FNIP1: variants seen among roughly 807,000 people sequenced by gnomAD.
The protein encoded by FNIP1 is folliculin-interacting protein 1.
Under a neutral mutation model 124.5 loss-of-function variants are expected in FNIP1, and 40 were observed. The ratio of observed to expected loss-of-function variants is 0.32; its 90% CI spans 0.25 to 0.42. The LOEUF is 0.42. Among genes scored for constraint, FNIP1 ranks in the 10% least tolerant of loss-of-function variants. FNIP1 has a pLI of 1.00. For missense variants in FNIP1, 1,176 were observed against 1,403.7 expected, an observed-to-expected ratio of 0.84 and a Z score of 2.59; for synonymous variants, 472 against 470.6, an observed-to-expected ratio of 1.00 and a Z score of -0.04.
At chr5:131,730,730 C>T (rs1479521875) in intron 3 of FNIP1, among the ~76,000 whole-genome samples, 174 bp downstream of exon 3, 2 of 152,186 alleles carry the variant, frequency 1.3e-5, no homozygotes, top group African/African-American at 2.4e-5. Flanking sequence ...TTCTACTTCT[C>T]CTATTCTAAG....
chr5:131,712,426 T>C (rs1009521741), intron 6 of FNIP1, among the ~76,000 whole-genome samples: 5 of 152,024 alleles, frequency 3.3e-5, no homozygotes, highest in African/African-American at 1.2e-4. Context: ...CCCGAGACTT[T>C]CAGGGGGTCT....
At chr5:131,750,781 T>C (rs184638214) in intron 1 of FNIP1, among the ~76,000 whole-genome samples, 75 of 152,230 alleles carry the variant, frequency 4.9e-4, no homozygotes, top group African/African-American at 1.8e-3. Flanking sequence ...CCCAGCTAGT[T>C]TTTGTACTTT....
Position 131,790,149 on chromosome 5 carries a change from CAATGTG to C in FNIP1, c.92+6675_92+6680del, listed in dbSNP as rs1296512120. Among the ~76,000 whole-genome samples, 5 of 152,116 alleles carry C rather than the reference CAATGTG, an allele frequency of 3.3e-5. No individual in the cohort carries two copies. In the East Asian group the frequency reaches 7.7e-4, roughly 23 times the overall value. On this transcript the variant is annotated intron_variant, in intron 1 of 17. Coordinates refer to ENST00000510461, the MANE Select transcript of FNIP1 (RefSeq NM_133372.3). ...GGCACTGTGCTGTCCACTGGCACAA[CAATGTG>C]AACTTGGGGGAGACAAATTATAATA...
chr5:131,744,725 TAG>T (rs1770617920), intron 1 of FNIP1, 35 bp from the exon 2 acceptor site: 3 of 1,557,636 alleles, frequency 1.9e-6, no homozygotes, highest in Non-Finnish European at 2.6e-6. Context: ...AAAGATCCAT[TAG>T]AGTTACATTA....
At chr5:131,648,286 A>G (rs925421391) in intron 16 of FNIP1, among the ~76,000 whole-genome samples, 4 of 151,554 alleles carry the variant, frequency 2.6e-5, no homozygotes, top group African/African-American at 9.7e-5. Flanking sequence ...TACTACTGCA[A>G]TTCAGCCTGG....
intron 3 of FNIP1, among the ~76,000 whole-genome samples, chr5:131,726,798 T>A (rs1255756395): frequency 1.3e-5 from 2 of 152,204 alleles, no homozygotes; most frequent in Non-Finnish European, 2.9e-5. Context: ...CTGTGGGCAT[T>A]TAGTGCTATA....
chr5:131,732,967 A>C (rs1770150376), intron 2 of FNIP1, among the ~76,000 whole-genome samples: 1 of 152,118 alleles, frequency 6.6e-6, no homozygotes, highest in African/African-American at 2.4e-5. Context: ...ATGAGCATGG[A>C]ATGTTCTTCC....
intron 1 of FNIP1, among the ~76,000 whole-genome samples, chr5:131,759,333 C>T (rs1172710803): frequency 6.6e-6 from 1 of 151,954 alleles, no homozygotes; most frequent in Admixed American, 6.6e-5. Context: ...AATGGGAGAA[C>T]ATATTCACAA....
At chr5:131,721,685 C>T (rs1769669065) in intron 3 of FNIP1, among the ~76,000 whole-genome samples, 1 of 152,190 alleles carries the variant, frequency 6.6e-6, no homozygotes, top group African/African-American at 2.4e-5. Flanking sequence ...GTAATCCCAG[C>T]TACGCGGGAG....
chr5:131,776,960 C>G (rs1183803702), intron 1 of FNIP1, among the ~76,000 whole-genome samples: 1 of 152,042 alleles, frequency 6.6e-6, no homozygotes. Flanking sequence ...AGGCTGGGTG[C>G]ATGGCTCATG....
At chr5:131,742,146 T>TA (rs1349251476) in intron 2 of FNIP1, among the ~76,000 whole-genome samples, 1 of 152,210 alleles carries the variant, frequency 6.6e-6, no homozygotes, top group Non-Finnish European at 1.5e-5. Flanking sequence ...CTAATTTTTT[T>TA]AAAAAGAATG....
chr5:131,743,534 G>A (rs1331292577), intron 2 of FNIP1, among the ~76,000 whole-genome samples: 1 of 152,014 alleles, frequency 6.6e-6, no homozygotes, highest in Admixed American at 6.6e-5. Flanking sequence ...AAGAGGCCAG[G>A]GATGGGAAAA....
At chr5:131,677,500 G>A (rs1372188873) in intron 13 of FNIP1, 2 of 474,832 alleles carry the variant, frequency 4.2e-6, no homozygotes, top group Non-Finnish European at 7.5e-6. Flanking sequence ...TGCTCTACCT[G>A]CAGTTCTTCA....
chr5:131,775,826 C>A (rs1231278413), intron 1 of FNIP1, among the ~76,000 whole-genome samples: 1 of 152,068 alleles, frequency 6.6e-6, no homozygotes, highest in Non-Finnish European at 1.5e-5. Context: ...CCTTGCCCAG[C>A]CCTGTAGAGT....
At chr5:131,646,737 C>G (rs192650674) in intron 17 of FNIP1, among the ~76,000 whole-genome samples, 1 of 152,326 alleles carries the variant, frequency 6.6e-6, no homozygotes. Flanking sequence ...CTACAGACTT[C>G]TGTTACCTCA....
At chr5:131,709,598 T>A (rs1554095575) in intron 7 of FNIP1, among the ~76,000 whole-genome samples, 1 of 152,228 alleles carries the variant, frequency 6.6e-6, no homozygotes, top group Non-Finnish European at 1.5e-5. Flanking sequence ...CTGAACAGTA[T>A]GAGTGCTTGC....
intron 15 of FNIP1, among the ~76,000 whole-genome samples, chr5:131,658,968 CA>C (rs1177027065): frequency 8.1e-6 from 1 of 122,968 alleles, no homozygotes; most frequent in African/African-American, 3.1e-5. Context: ...CAAATAAAGC[CA>C]TGCTAATCTC....
At chr5:131,691,750 C>A (rs1052379007) in intron 11 of FNIP1, among the ~76,000 whole-genome samples, 1 of 152,184 alleles carries the variant, frequency 6.6e-6, no homozygotes, top group Non-Finnish European at 1.5e-5. Context: ...AAAACACACA[C>A]TGCCAAAACT....
In FNIP1 at chr5:131,709,091, G is replaced by T; in HGVS notation, c.778+110C>A. ...GCTCTGGTCTTTTCACAGTTCTCTT[G>T]TAAGGCTAATATCAATATGAACAAA... On this transcript the variant is annotated intron_variant, in intron 8 of 17. Transcript: ENST00000510461. The T allele has an allele frequency of 9.7e-6, 8 of 825,164 alleles. No homozygotes were observed. In the South Asian group the frequency reaches 1.2e-4, roughly 13 times the overall value. 51.1% of individuals were successfully genotyped at this position (825,164 alleles called of 1,614,324 possible). A position where few individuals can be genotyped will look rare whatever the true frequency, so the allele number is the denominator to read the frequency against.
Sources: gnomAD v4.1 joint callset for allele counts (sites outside exome capture counted in the v4.1 genomes callset) on GRCh38, gnomAD v4.1.1 for gene constraint, MANE v1.5 for transcripts, NCBI Gene and HGNC (gene_info 2026-07-23, HGNC 2026-07-21) for gene names.